MYO18B: variants seen among roughly 807,000 people sequenced by gnomAD.
The protein encoded by MYO18B is myosin XVIIIB, also known as unconventional myosin-XVIIIb.
A neutral mutation model predicts 273.0 loss-of-function variants in MYO18B; 204 were observed. That is an observed-to-expected ratio of 0.75 (90% CI 0.67 to 0.84). MYO18B has a LOEUF of 0.84. Ranked by LOEUF, MYO18B falls within the 40% of genes least tolerant of loss-of-function variation. The pLI is 0.00. For missense variants in MYO18B, 3,212 were observed against 3,287.6 expected, an observed-to-expected ratio of 0.98 and a Z score of 0.56; for synonymous variants, 1,330 against 1,305.7, an observed-to-expected ratio of 1.02 and a Z score of -0.40.
chr22:25,908,528 A>T, intron 32 of MYO18B, 96 bp downstream of exon 32: 1 of 1,016,708 alleles, frequency 9.8e-7, no homozygotes, highest in East Asian at 2.6e-5. Context: ...AGGGTCTGGG[A>T]TCTGGGGACA....
chr22:25,992,753 C>T (rs768776631), intron 40 of MYO18B, among the ~76,000 whole-genome samples: 3 of 152,194 alleles, frequency 2.0e-5, no homozygotes, highest in Admixed American at 6.5e-5. Context: ...CAAGGACTAG[C>T]GTATGGTCTT....
chr22:25,923,815 TCCC>T (rs1260487484), intron 34 of MYO18B, among the ~76,000 whole-genome samples: 1 of 152,064 alleles, frequency 6.6e-6, no homozygotes, highest in Non-Finnish European at 1.5e-5. Context: ...AAGCTTCCCT[TCCC>T]CCAACAGGTG....
chr22:25,789,126 TTCCTCCTCCTCC>T (rs1239699093), intron 11 of MYO18B, among the ~76,000 whole-genome samples: 1 of 111,368 alleles, frequency 9.0e-6, no homozygotes, highest in African/African-American at 3.4e-5. Flanking sequence ...CCTCCTCCTC[TTCCTCCTCCTCC>T]TCCTCCTCCA....
At chr22:25,960,230 C>G (rs2092903053) in intron 39 of MYO18B, among the ~76,000 whole-genome samples, 1 of 152,146 alleles carries the variant, frequency 6.6e-6, no homozygotes, top group Admixed American at 6.5e-5. Context: ...AATATTCTGG[C>G]TCTAAATCAT....
the MYO18B span, among the ~76,000 whole-genome samples, chr22:26,049,021 T>C: frequency 6.6e-6 from 1 of 152,166 alleles, no homozygotes; most frequent in Non-Finnish European, 1.5e-5. Flanking sequence ...GACATGAGTT[T>C]ACCTACATAA....
At chr22:25,807,399 C>T (rs909535209) in intron 12 of MYO18B, among the ~76,000 whole-genome samples, 2 of 152,184 alleles carry the variant, frequency 1.3e-5, no homozygotes, top group African/African-American at 4.8e-5. Flanking sequence ...AGGAATCAGC[C>T]CCAAAGCCCA....
intron 1 of MYO18B, among the ~76,000 whole-genome samples, chr22:25,758,473 A>G (rs1205602935): frequency 2.0e-5 from 3 of 152,158 alleles, no homozygotes; most frequent in East Asian, 3.9e-4. Context: ...TTAAGAAGAA[A>G]AAAAAAAAGC....
At chr22:25,888,439 C>T (rs556869847) in intron 25 of MYO18B, among the ~76,000 whole-genome samples, 24 of 152,170 alleles carry the variant, frequency 1.6e-4, no homozygotes, top group African/African-American at 5.3e-4. Context: ...TTTTTAAAAA[C>T]TTTTTAAAGC....
At chr22:25,750,624 T>C (rs1232375183) in intron 1 of MYO18B, among the ~76,000 whole-genome samples, 1 of 152,134 alleles carries the variant, frequency 6.6e-6, no homozygotes, top group African/African-American at 2.4e-5. Context: ...AATTACATGC[T>C]TACACTCACC....
intron 34 of MYO18B, among the ~76,000 whole-genome samples, chr22:25,931,686 T>C (rs527695544): frequency 3.5e-5 from 5 of 144,106 alleles, no homozygotes; most frequent in Non-Finnish European, 7.6e-5. Context: ...TTTTTCTTTT[T>C]TTTTTTTTTT....
intron 29 of MYO18B, 69 bp downstream of exon 29, chr22:25,898,530 G>T: frequency 6.4e-7 from 1 of 1,555,536 alleles, no homozygotes; most frequent in Admixed American, 1.8e-5. Context: ...GTTTTCTGGG[G>T]TATCCAGGTT....
intron 30 of MYO18B, chr22:25,903,343 A>C: frequency 2.7e-6 from 1 of 372,210 alleles, no homozygotes; most frequent in Non-Finnish European, 4.9e-6. Context: ...TTCCCTTACA[A>C]ATGGGGTCAA....
At chr22:25,932,743 T>G (rs932215228) in intron 34 of MYO18B, among the ~76,000 whole-genome samples, 1 of 152,138 alleles carries the variant, frequency 6.6e-6, no homozygotes, top group African/African-American at 2.4e-5. Flanking sequence ...GTTGGCAAAC[T>G]AGGGCCCAAA....
At chr22:25,788,173 C>T (rs768076071) in intron 11 of MYO18B, among the ~76,000 whole-genome samples, 1 of 152,186 alleles carries the variant, frequency 6.6e-6, no homozygotes, top group Non-Finnish European at 1.5e-5. Context: ...CTCTCTGCTA[C>T]CTGGCAGGTA....
At position 25,883,137 on chromosome 22, in the gene MYO18B, G is replaced by A. The variant is rs192379091; in HGVS notation, c.4314+5089G>A. On this transcript the variant is annotated intron_variant, in intron 25 of 43. Coordinates refer to ENST00000335473, the MANE Select transcript of MYO18B (RefSeq NM_032608.7). The surrounding 1 kb of genome is among the most constrained non-coding windows in gnomAD (Gnocchi z 7.6). ...TGGTCTCCAATTCCTGGGCTCAAGC[G>A]ATCCTCCTGCCTTGGCCTCCCAGAG... 1.1e-4 allele frequency among the ~76,000 whole-genome samples: 16 copies of A among 152,156 alleles called. No homozygotes were observed. In the East Asian group the frequency reaches 1.7e-3, roughly 17 times the overall value.
chr22:26,062,042 T>C, the MYO18B span, among the ~76,000 whole-genome samples: 1 of 152,216 alleles, frequency 6.6e-6, no homozygotes, highest in Non-Finnish European at 1.5e-5. Flanking sequence ...ATGGAACTTT[T>C]CTTCTCTGTG....
intron 39 of MYO18B, among the ~76,000 whole-genome samples, chr22:25,980,034 A>G (rs948009502): frequency 1.3e-5 from 2 of 152,156 alleles, no homozygotes; most frequent in Non-Finnish European, 2.9e-5. Flanking sequence ...GATGAAATGG[A>G]GAGAGGGGTG....
At chr22:25,988,630 T>C in intron 39 of MYO18B, among the ~76,000 whole-genome samples, 1 of 152,208 alleles carries the variant, frequency 6.6e-6, no homozygotes, top group Non-Finnish European at 1.5e-5. Flanking sequence ...GAGTCCTGCA[T>C]TCCAATGTTT....
intron 1 of MYO18B, among the ~76,000 whole-genome samples, chr22:25,752,064 C>T (rs544153412): frequency 2.6e-5 from 4 of 152,208 alleles, no homozygotes; most frequent in Non-Finnish European, 5.9e-5. Flanking sequence ...GCAGACAGCA[C>T]AGGGGGACAT....
Sources: gnomAD v4.1 joint callset for allele counts (sites outside exome capture counted in the v4.1 genomes callset) on GRCh38, gnomAD v4.1.1 for gene constraint, Gnocchi (gnomAD v3.1) non-coding constraint, MANE v1.5 for transcripts, NCBI Gene and HGNC (gene_info 2026-07-23, HGNC 2026-07-21) for gene names.